Variants in PRPS1 observed in about 807,000 individuals in gnomAD.
PRPS1 encodes phosphoribosyl pyrophosphate synthetase 1, also known as ribose-phosphate pyrophosphokinase 1.
In PRPS1, 1 loss-of-function variant was observed where a neutral mutation model predicts 16.9. The ratio of observed to expected loss-of-function variants is 0.06; its 90% CI spans 0.02 to 0.28. The LOEUF (loss-of-function observed/expected upper bound fraction) is 0.28, where lower values mean the gene tolerates loss of function less well. Among genes scored for constraint, PRPS1 ranks in the 10% least tolerant of loss-of-function variants. PRPS1 has a pLI of 1.00. For synonymous variants in PRPS1, 70 were observed against 90.2 expected, an observed-to-expected ratio of 0.78 and a Z score of 1.27; for missense variants, 47 against 254.0, an observed-to-expected ratio of 0.19 and a Z score of 5.54.
chrX:107,642,048 C>T (rs1252543537), intron 3 of PRPS1, among the ~76,000 whole-genome samples: 1 of 112,410 alleles, frequency 8.9e-6, no homozygotes, highest in African/African-American at 3.2e-5. Context: ...GCAGTATTTA[C>T]AAACTCACTG....
chrX:107,636,873 CAGT>C (rs1201655273), intron 1 of PRPS1, among the ~76,000 whole-genome samples: 1 of 112,502 alleles, frequency 8.9e-6, no homozygotes, highest in African/African-American at 3.2e-5. Context: ...AGAAATAGGA[CAGT>C]AGGTAGTTCC....
intron 1 of PRPS1, among the ~76,000 whole-genome samples, chrX:107,632,080 A>G (rs1181025424): frequency 2.7e-5 from 3 of 112,545 alleles, no homozygotes; most frequent in Admixed American, 1.9e-4. Flanking sequence ...CAAAACTGCT[A>G]TGAGGAATAA....
At chrX:107,645,139 G>C in intron 4 of PRPS1, 38 bp from the exon 5 acceptor site, 1 of 1,206,956 alleles carries the variant, frequency 8.3e-7, no homozygotes. Flanking sequence ...TTTTGTCTTA[G>C]AAGCCACACA....
chrX:107,632,762 G>A (rs1236157651), intron 1 of PRPS1, among the ~76,000 whole-genome samples: 1 of 112,555 alleles, frequency 8.9e-6, no homozygotes, highest in East Asian at 2.8e-4. Flanking sequence ...CTTAGAAGAA[G>A]CCATAAGAAT....
At chrX:107,647,889 T>A in intron 6 of PRPS1, 124 bp downstream of exon 6, 1 of 802,587 alleles carries the variant, frequency 1.2e-6, no homozygotes, top group Non-Finnish European at 1.8e-6. Flanking sequence ...AGTCTTGTCA[T>A]CAGAATTTGT....
chrX:107,641,867 A>G (rs955931026), intron 3 of PRPS1, among the ~76,000 whole-genome samples: 2 of 112,575 alleles, frequency 1.8e-5, no homozygotes, highest in African/African-American at 6.4e-5. Context: ...GAGAAATACA[A>G]CTAATTTGTA....
intron 4 of PRPS1, among the ~76,000 whole-genome samples, chrX:107,644,524 C>T (rs757345242): frequency 1.8e-5 from 2 of 111,962 alleles, no homozygotes; most frequent in South Asian, 7.4e-4. Context: ...TTCCTCATTC[C>T]TTCTGCTGCC....
intron 1 of PRPS1, among the ~76,000 whole-genome samples, chrX:107,637,488 T>C (rs1925468262): frequency 1.8e-5 from 2 of 111,675 alleles, no homozygotes; most frequent in Non-Finnish European, 3.8e-5. Flanking sequence ...ATTTATGGAC[T>C]CTGTAACAGT....
intron 5 of PRPS1, 103 bp from the exon 6 acceptor site, chrX:107,647,503 G>T: frequency 5.8e-6 from 5 of 862,449 alleles, no homozygotes; most frequent in South Asian, 2.5e-5. Context: ...TTTTTCATAT[G>T]ATATTTTGTT....
rs1349221473 is a variant in PRPS1 at position 107,628,536 on chromosome X, A to G, written c.-93A>G. On this transcript the variant is annotated 5_prime_UTR_variant, in exon 1 of 7. Transcript: ENST00000372435. ...ATGTAAGATGGCGGAGTAGCAACGC[A>G]AAGCGCTTGGTATTGAGTCTGTGGC... 1 of 1,194,398 alleles carries G rather than the reference A, an allele frequency of 8.4e-7. No homozygotes were observed. The highest frequency in any genetic ancestry group is 1.1e-6 in the Non-Finnish European group (1 of 882,287).
chrX:107,649,279 G>A lies in PRPS1; in HGVS notation c.865-661G>A, dbSNP rs920817893. Among the ~76,000 whole-genome samples, 4 of 111,232 alleles carry A rather than the reference G, an allele frequency of 3.6e-5. No individual in the cohort carries two copies. In the South Asian group the frequency reaches 1.5e-3, roughly 42 times the overall value. Reference sequence around the variant, plus strand: ...ATTTTTGTTTTATTGTAGAGACAGAGTTTCACCATATTGCCCAGGCTGGAC... The same window carrying A: ...ATTTTTGTTTTATTGTAGAGACAGAATTTCACCATATTGCCCAGGCTGGAC... On this transcript the variant is annotated intron_variant, in intron 6 of 6. Transcript: ENST00000372435.
intron 5 of PRPS1, 21 bp downstream of exon 5, chrX:107,645,371 C>T: frequency 8.3e-7 from 1 of 1,210,930 alleles, no homozygotes; most frequent in Non-Finnish European, 1.1e-6. Context: ...ATTGATGGGG[C>T]TGGTAGTTAG....
At chrX:107,646,686 C>T in intron 5 of PRPS1, among the ~76,000 whole-genome samples, 1 of 112,257 alleles carries the variant, frequency 8.9e-6, no homozygotes, top group Non-Finnish European at 1.9e-5. Context: ...TAGTTAGGAG[C>T]TCAGATTCTT....
chrX:107,638,152 C>G (rs1055177961), intron 1 of PRPS1, among the ~76,000 whole-genome samples: 11 of 109,513 alleles, frequency 1.0e-4, no homozygotes, highest in Admixed American at 2.0e-4. Context: ...CTCTGTTGCC[C>G]AGGCTGGAGC....
At chrX:107,647,238 A>C (rs1175498744) in intron 5 of PRPS1, among the ~76,000 whole-genome samples, 1 of 112,676 alleles carries the variant, frequency 8.9e-6, no homozygotes, top group Non-Finnish European at 1.9e-5. Flanking sequence ...ATGCGCACGC[A>C]TGCGTGCACA....
At chrX:107,641,110 T>A in intron 3 of PRPS1, 110 bp downstream of exon 3, 2 of 1,196,243 alleles carry the variant, frequency 1.7e-6, no homozygotes, top group Middle Eastern at 2.3e-4. Flanking sequence ...TGAAATAAAC[T>A]AGATATCAAC....
chrX:107,650,366 GTGAATGCTTC>G lies in PRPS1; in HGVS notation c.*335_*344del. 4.8e-6 allele frequency: 2 copies of G among 419,210 alleles called. No homozygotes were observed. The highest frequency in any genetic ancestry group is 7.7e-5 in the South Asian group (2 of 25,923). 34.5% of individuals were successfully genotyped at this position (419,210 alleles called of 1,213,427 possible). On this transcript the variant is annotated 3_prime_UTR_variant, in exon 7 of 7. Coordinates refer to ENST00000372435, the MANE Select transcript of PRPS1 (RefSeq NM_002764.4). ...TGGGGAAGCTCAGACTACTTTGTAT[GTGAATGCTTC>G]AGGGTTTTCTTTGTTGAGAACAACT...
intron 5 of PRPS1, among the ~76,000 whole-genome samples, chrX:107,646,762 T>A (rs1925704037): frequency 8.9e-6 from 1 of 112,219 alleles, no homozygotes; most frequent in South Asian, 3.7e-4. Context: ...ATTTCAATTT[T>A]GGCCAGCCAG....
chrX:107,650,931 T>C lies in PRPS1; in HGVS notation c.*899T>C, dbSNP rs1925815696. The C allele has an allele frequency of 8.0e-6, 2 of 249,112 alleles. No individual in the cohort carries two copies. The highest frequency in any genetic ancestry group is 1.4e-5 in the Non-Finnish European group (2 of 140,655). 20.5% of individuals were successfully genotyped at this position (249,112 alleles called of 1,213,427 possible). On this transcript the variant is annotated 3_prime_UTR_variant, in exon 7 of 7. Transcript: ENST00000372435. ...AATTTTCATCTTCCTTCTTTGGATC[T>C]ATTTGGCCTCTCAAATGAACTGAGA...
Sources: gnomAD v4.1 joint callset for allele counts (sites outside exome capture counted in the v4.1 genomes callset) on GRCh38, gnomAD v4.1.1 for gene constraint, MANE v1.5 for transcripts, NCBI Gene and HGNC (gene_info 2026-07-23, HGNC 2026-07-21) for gene names.